Variants in GLRA1 observed in about 807,000 individuals in gnomAD.
GLRA1 encodes the protein glycine receptor alpha 1, also known as glycine receptor subunit alpha-1.
In GLRA1, 37 loss-of-function variants were observed where a neutral mutation model predicts 48.3. That is an observed-to-expected ratio of 0.77 (90% confidence interval 0.59 to 1.01). GLRA1 has a LOEUF of 1.01. GLRA1 is among the 50% of genes least tolerant of loss of function. The pLI, the probability that GLRA1 is intolerant of heterozygous loss-of-function variation, is 0.00. For synonymous variants in GLRA1, 196 were observed against 210.7 expected (o/e 0.93, Z 0.60); for missense variants, 427 against 571.0 (o/e 0.75, Z 2.57).
At chr5:151,870,676 A>T (rs906675011) in intron 3 of GLRA1, among the ~76,000 whole-genome samples, 9 of 149,772 alleles carry the variant, frequency 6.0e-5, no homozygotes, top group Non-Finnish European at 1.3e-4. Flanking sequence ...GTAATCTAGC[A>T]TACTGCATCA....
chr5:151,857,178 C>T (rs1753068568), intron 4 of GLRA1, among the ~76,000 whole-genome samples: 1 of 152,262 alleles, frequency 6.6e-6, no homozygotes, highest in African/African-American at 2.4e-5. Context: ...GCCAACTTTG[C>T]CCAGCCTAGA....
intron 1 of GLRA1, among the ~76,000 whole-genome samples, chr5:151,917,036 G>A (rs1187741042): frequency 1.3e-5 from 2 of 152,228 alleles, no homozygotes. Context: ...AGTGGAGTAA[G>A]TTTGGGGATT....
chr5:151,868,388 A>T (rs927120741), intron 3 of GLRA1, among the ~76,000 whole-genome samples: 1 of 152,208 alleles, frequency 6.6e-6, no homozygotes, highest in Non-Finnish European at 1.5e-5. Flanking sequence ...TAAGACCTTT[A>T]TGTGTGTTAT....
chr5:151,826,335 G>T (rs560497779), intron 8 of GLRA1, among the ~76,000 whole-genome samples: 1 of 152,126 alleles, frequency 6.6e-6, no homozygotes, highest in Non-Finnish European at 1.5e-5. Flanking sequence ...ACCAAATCTG[G>T]CCTTCCGGCT....
Position 151,924,816 on chromosome 5 carries a change from T to TA in GLRA1, c.-268dup. 1 of 563,588 alleles carries TA rather than the reference T, an allele frequency of 1.8e-6. No homozygotes were observed. The highest frequency in any genetic ancestry group is 3.2e-6 in the Non-Finnish European group (1 of 314,828). 34.9% of individuals were successfully genotyped at this position (563,588 alleles called of 1,614,324 possible). On this transcript the variant is annotated 5_prime_UTR_variant, in exon 1 of 9. Transcript: ENST00000274576. ...GAGCGCGAAGAGTATTGCTGTTTGTTAAACTCCAGCGTGTCTGTTGGCTCC... is the reference window on the plus strand; with the variant it reads ...GAGCGCGAAGAGTATTGCTGTTTGTTAAAACTCCAGCGTGTCTGTTGGCTCC...
At chr5:151,916,985 G>A (rs188844703) in intron 1 of GLRA1, among the ~76,000 whole-genome samples, 53 of 152,228 alleles carry the variant, frequency 3.5e-4, no homozygotes, top group African/African-American at 1.2e-3. Flanking sequence ...AAGAAAGTGC[G>A]GTGGCAAAGT....
At chr5:151,826,661 A>G (rs111888667) in intron 8 of GLRA1, among the ~76,000 whole-genome samples, 8,977 of 152,238 alleles carry the variant, frequency 0.059, 373 homozygotes, top group Admixed American at 0.11. Context: ...GATCAAATCT[A>G]GCTAGTGGCC....
At chr5:151,881,492 A>ATTTTTTTTTTTTTTTT (rs3033233) in intron 3 of GLRA1, among the ~76,000 whole-genome samples, 1 of 116,858 alleles carries the variant, frequency 8.6e-6, no homozygotes, top group Non-Finnish European at 1.7e-5. Context: ...ATGCCCTGCA[A>ATTTTTTTTTTTTTTTT]TTTTTTTTTT....
At chr5:151,865,499 G>C (rs1255325688) in intron 3 of GLRA1, among the ~76,000 whole-genome samples, 1 of 152,090 alleles carries the variant, frequency 6.6e-6, no homozygotes, top group Non-Finnish European at 1.5e-5. Context: ...ACACATGCAG[G>C]GTCTTGCAAG....
chr5:151,884,301 T>A lies in GLRA1; in HGVS notation c.252+2420A>T, dbSNP rs560529618. Among the ~76,000 whole-genome samples, 44 of 152,116 alleles carry A rather than the reference T, an allele frequency of 2.9e-4. No individual in the cohort carries two copies. In the Middle Eastern group the frequency reaches 0.02, roughly 71 times the overall value. On this transcript the variant is annotated intron_variant, in intron 3 of 8. Transcript: ENST00000274576. ...AAAATTAGCTGGGCCTGGTGGTGCA[T>A]GTCTGTAATCCCAGCTACTCGGGAG...
chr5:151,838,745 A>T (rs1457615926), intron 7 of GLRA1, among the ~76,000 whole-genome samples: 1 of 152,256 alleles, frequency 6.6e-6, no homozygotes, highest in Admixed American at 6.5e-5. Flanking sequence ...ATTTAAAAAA[A>T]TAGTGCCTGA....
intron 8 of GLRA1, among the ~76,000 whole-genome samples, chr5:151,826,946 C>T (rs1763285509): frequency 6.6e-6 from 1 of 151,106 alleles, no homozygotes; most frequent in African/African-American, 2.4e-5. Context: ...GATGAAATTA[C>T]AAAAAGCAGC....
intron 7 of GLRA1, among the ~76,000 whole-genome samples, chr5:151,836,992 A>C (rs975850894): frequency 3.3e-5 from 5 of 152,178 alleles, no homozygotes; most frequent in Non-Finnish European, 5.9e-5. Flanking sequence ...CAACAACAAC[A>C]ACAAAAAACC....
chr5:151,924,727 C>T lies in GLRA1; in HGVS notation c.-178G>A. On this transcript the variant is annotated 5_prime_UTR_variant, in exon 1 of 9. Coordinates refer to ENST00000274576, the MANE Select transcript of GLRA1 (RefSeq NM_000171.4). Reference sequence around the variant, plus strand: ...AATTGGAGCGAGGGGGTCGTAGATACCACGGACAGCGGCGGCTGCGAGGCG... The same window carrying T: ...AATTGGAGCGAGGGGGTCGTAGATATCACGGACAGCGGCGGCTGCGAGGCG... 1.5e-6 allele frequency: 1 copy of T among 670,638 alleles called. No individual in the cohort carries two copies. The allele number at this position is 670,638 out of a possible 1,614,324, so 41.5% of individuals were successfully genotyped here.
chr5:151,875,089 A>G (rs1390727078), intron 3 of GLRA1, among the ~76,000 whole-genome samples: 1 of 152,216 alleles, frequency 6.6e-6, no homozygotes, highest in African/African-American at 2.4e-5. Context: ...CATTTGATCA[A>G]CTGATCCCAG....
At chr5:151,913,526 GTA>G (rs1329010746) in intron 1 of GLRA1, among the ~76,000 whole-genome samples, 2 of 152,112 alleles carry the variant, frequency 1.3e-5, no homozygotes, top group Non-Finnish European at 2.9e-5. Flanking sequence ...TGAGAGTTTC[GTA>G]TTATGTTAAA....
chr5:151,898,747 A>C (rs1242079316), intron 1 of GLRA1, among the ~76,000 whole-genome samples: 3 of 152,184 alleles, frequency 2.0e-5, no homozygotes, highest in Non-Finnish European at 4.4e-5. Flanking sequence ...GTGAAAGAGG[A>C]AGAGGACACT....
At chr5:151,886,292 T>C (rs919263) in intron 3 of GLRA1, among the ~76,000 whole-genome samples, 37,032 of 152,120 alleles carry the variant, frequency 0.24, 4,816 homozygotes, top group South Asian at 0.39. Flanking sequence ...TTCTAAACTT[T>C]TTTACTGTGA....
chr5:151,912,262 GTTTTT>G (rs370730368), intron 1 of GLRA1, among the ~76,000 whole-genome samples: 21 of 121,640 alleles, frequency 1.7e-4, no homozygotes, highest in Non-Finnish European at 3.3e-4. Context: ...TGTGAAGACT[GTTTTT>G]TTTTTTTTTT....
Sources: allele counts gnomAD v4.1 joint callset (sites outside exome capture counted in the v4.1 genomes callset), GRCh38; gene constraint gnomAD v4.1.1; transcripts MANE v1.5; gene names NCBI Gene and HGNC (gene_info 2026-07-23, HGNC 2026-07-21).